Variants in LTBP1 observed in about 807,000 individuals in gnomAD.
LTBP1 encodes latent-transforming growth factor beta-binding protein 1.
Under a neutral mutation model 207.6 loss-of-function variants are expected in LTBP1, and 129 were observed. The observed-to-expected ratio is 0.62, with a 90% CI of 0.54 to 0.72. The LOEUF is 0.72. Ranked by LOEUF, LTBP1 falls within the 30% of genes least tolerant of loss-of-function variation. The pLI is 0.00. For missense variants in LTBP1, 2,281 were observed against 2,217.2 expected (o/e 1.03, Z -0.58); for synonymous variants, 963 against 833.7 (o/e 1.16, Z -2.67).
chr2:33,112,945 T>G (rs1324329570), intron 4 of LTBP1, among the ~76,000 whole-genome samples: 1 of 152,224 alleles, frequency 6.6e-6, no homozygotes, highest in Non-Finnish European at 1.5e-5. Flanking sequence ...AATGCAAACA[T>G]TAATTTTTTA....
At chr2:33,166,582 G>A (rs971902589) in intron 5 of LTBP1, among the ~76,000 whole-genome samples, 3 of 152,138 alleles carry the variant, frequency 2.0e-5, no homozygotes, top group Non-Finnish European at 4.4e-5. Context: ...GTCTAATTCT[G>A]AGCTACATCT....
intron 32 of LTBP1, among the ~76,000 whole-genome samples, chr2:33,391,485 C>G (rs1325018552): frequency 6.6e-6 from 1 of 152,072 alleles, no homozygotes; most frequent in South Asian, 2.1e-4. Context: ...GAAAGAAAGC[C>G]CAGCTTGCCC....
At chr2:33,351,017 C>A (rs564704703) in intron 26 of LTBP1, among the ~76,000 whole-genome samples, 81 of 152,146 alleles carry the variant, frequency 5.3e-4, no homozygotes, top group African/African-American at 1.9e-3. Flanking sequence ...CAGGTATTCT[C>A]CACTTTAAGA....
intron 7 of LTBP1, among the ~76,000 whole-genome samples, chr2:33,189,854 C>T (rs1453901541): frequency 8.0e-5 from 10 of 124,476 alleles, no homozygotes; most frequent in East Asian, 2.4e-4. Flanking sequence ...GATGAAACCC[C>T]GTCTCTACTA....
At chr2:33,226,047 A>G (rs565457530) in intron 9 of LTBP1, among the ~76,000 whole-genome samples, 19 of 152,324 alleles carry the variant, frequency 1.2e-4, no homozygotes, top group Admixed American at 7.2e-4. Flanking sequence ...AATAAGTTCA[A>G]TTTTTAAAAA....
chr2:33,057,231 G>C (rs564632858), intron 3 of LTBP1, among the ~76,000 whole-genome samples: 1 of 151,952 alleles, frequency 6.6e-6, no homozygotes, highest in South Asian at 2.1e-4. Flanking sequence ...TCCTGAGCTA[G>C]AGACAGGGTG....
At chr2:33,315,497 C>T (rs574120798) in intron 24 of LTBP1, among the ~76,000 whole-genome samples, 6 of 152,250 alleles carry the variant, frequency 3.9e-5, no homozygotes, top group South Asian at 4.1e-4. Flanking sequence ...GATGGCTCCA[C>T]GACTGGTACT....
intron 7 of LTBP1, among the ~76,000 whole-genome samples, chr2:33,191,676 G>A (rs541780577): frequency 1.4e-4 from 22 of 152,326 alleles, no homozygotes; most frequent in Non-Finnish European, 3.1e-4. Context: ...TGCAAACGTA[G>A]CTATAGCCAG....
intron 26 of LTBP1, among the ~76,000 whole-genome samples, chr2:33,353,016 T>C (rs984550115): frequency 1.4e-5 from 2 of 144,184 alleles, no homozygotes; most frequent in South Asian, 4.6e-4. Context: ...TCTTGCTCCA[T>C]TGCGCAGGCT....
chr2:33,356,139 G>A (rs1317338476), intron 26 of LTBP1, among the ~76,000 whole-genome samples: 2 of 151,998 alleles, frequency 1.3e-5, no homozygotes, highest in Non-Finnish European at 2.9e-5. Flanking sequence ...CTCAGTCTCA[G>A]ATCCATCTCC....
At chr2:33,347,937 A>T (rs985152300) in intron 26 of LTBP1, among the ~76,000 whole-genome samples, 1 of 152,188 alleles carries the variant, frequency 6.6e-6, no homozygotes, top group African/African-American at 2.4e-5. Context: ...GCCTCTTAGG[A>T]TCTACAAAGA....
chr2:33,331,932 A>C (rs2094498476), intron 24 of LTBP1, among the ~76,000 whole-genome samples: 1 of 152,102 alleles, frequency 6.6e-6, no homozygotes, highest in African/African-American at 2.4e-5. Flanking sequence ...TCCTAACTTA[A>C]ATATGTGTAT....
At chr2:33,280,390 A>G (rs1264595705) in intron 19 of LTBP1, among the ~76,000 whole-genome samples, 2 of 152,246 alleles carry the variant, frequency 1.3e-5, no homozygotes, top group Non-Finnish European at 1.5e-5. Context: ...ACAAACTGAT[A>G]TTCCTAATGA....
chr2:33,378,764 G>A (rs1019485553), intron 31 of LTBP1, among the ~76,000 whole-genome samples: 41 of 152,186 alleles, frequency 2.7e-4, no homozygotes, highest in Non-Finnish European at 3.1e-4. Context: ...CTAGAACAAA[G>A]CTGCTGACTG....
intron 3 of LTBP1, among the ~76,000 whole-genome samples, chr2:33,087,733 A>T (rs185460175): frequency 1.3e-5 from 2 of 152,364 alleles, no homozygotes; most frequent in East Asian, 3.9e-4. Flanking sequence ...TAAAGTGCCG[A>T]TGGAGTTTAT....
intron 15 of LTBP1, among the ~76,000 whole-genome samples, chr2:33,266,584 C>T (rs1158963817): frequency 2.0e-5 from 3 of 152,098 alleles, no homozygotes; most frequent in Non-Finnish European, 4.4e-5. Context: ...ACCCATGGAC[C>T]AATCAGCACA....
chr2:32,968,962 C>G (rs1014251595), intron 2 of LTBP1, among the ~76,000 whole-genome samples: 2 of 140,912 alleles, frequency 1.4e-5, no homozygotes, highest in African/African-American at 5.3e-5. Context: ...GTCACCCAGG[C>G]TGGAGTGCAG....
At chr2:33,268,658 A>G (rs1158729970) in intron 15 of LTBP1, among the ~76,000 whole-genome samples, 1 of 152,236 alleles carries the variant, frequency 6.6e-6, no homozygotes, top group Non-Finnish European at 1.5e-5. Flanking sequence ...TAGCTAAAGG[A>G]TAGGTTGGGA....
chr2:33,341,742 ATATGTATATT>A (rs1369688242), intron 24 of LTBP1, among the ~76,000 whole-genome samples: 3 of 145,196 alleles, frequency 2.1e-5, no homozygotes, highest in Admixed American at 1.4e-4. Context: ...ATATATATAT[ATATGTATATT>A]TATATATAAA....
Sources: gnomAD v4.1 joint callset for allele counts (sites outside exome capture counted in the v4.1 genomes callset) on GRCh38, gnomAD v4.1.1 for gene constraint, MANE v1.5 for transcripts, NCBI Gene and HGNC (gene_info 2026-07-23, HGNC 2026-07-21) for gene names.